Variants in DYNLT2B observed in about 807,000 individuals in gnomAD.
The protein encoded by DYNLT2B is dynein light chain Tctex-type 2B.
In DYNLT2B, 14 loss-of-function variants were observed where a neutral mutation model predicts 19.5. The ratio of observed to expected loss-of-function variants is 0.72; its 90% CI spans 0.47 to 1.12. DYNLT2B has a LOEUF of 1.12. DYNLT2B is among the 50% of genes most tolerant of loss of function. The pLI is 0.00. For missense variants in DYNLT2B, 133 were observed against 174.7 expected (o/e 0.76, Z 1.35); for synonymous variants, 70 against 59.7 (o/e 1.17, Z -0.79).
chr3:196,291,437 C>G (rs1726092257), intron 4 of DYNLT2B, 63 bp from the exon 5 acceptor site: 7 of 1,508,592 alleles, frequency 4.6e-6, no homozygotes, highest in African/African-American at 1.4e-5. Flanking sequence ...GGAATGAGAG[C>G]AGCACAGGCA....
At chr3:196,309,578 T>C (rs73086670) in intron 2 of DYNLT2B, among the ~76,000 whole-genome samples, 2,701 of 151,956 alleles carry the variant, frequency 0.018, 94 homozygotes, top group African/African-American at 0.062. Flanking sequence ...AAAACAATTT[T>C]TCAAAAAATA....
At chr3:196,297,279 C>T (rs941560179) in intron 3 of DYNLT2B, among the ~76,000 whole-genome samples, 2 of 152,050 alleles carry the variant, frequency 1.3e-5, no homozygotes, top group Non-Finnish European at 2.9e-5. Context: ...AATCCCAGCA[C>T]TTTGGGAGGC....
At chr3:196,303,012 C>T (rs1726393402) in intron 3 of DYNLT2B, among the ~76,000 whole-genome samples, 2 of 152,004 alleles carry the variant, frequency 1.3e-5, no homozygotes, top group South Asian at 4.2e-4. Flanking sequence ...CTGGAGGCTA[C>T]AAGATTCTGA....
At chr3:196,313,473 G>T (rs1459781583) in intron 2 of DYNLT2B, among the ~76,000 whole-genome samples, 1 of 152,130 alleles carries the variant, frequency 6.6e-6, no homozygotes, top group African/African-American at 2.4e-5. Context: ...TGGAATTACA[G>T]GCGTGAGCCA....
chr3:196,303,311 G>A (rs372792097), intron 3 of DYNLT2B, among the ~76,000 whole-genome samples: 122 of 152,236 alleles, frequency 8.0e-4, no homozygotes, highest in African/African-American at 1.2e-3. Context: ...CCGGTCTCCC[G>A]CACAGCCGGC....
chr3:196,318,047 G>A lies in DYNLT2B; in HGVS notation c.106C>T (p.Gln36Ter). Residue 36 changes from glutamine to a stop codon, truncating the protein, a stop_gained, in exon 1 of 5, where the codon CAG becomes TAG. Coordinates refer to ENST00000325318, the MANE Select transcript of DYNLT2B (RefSeq NM_152773.5). LOFTEE classifies it high-confidence loss of function. ...ENTYILRPVF[Q>*]QRFRPSVVKD... ...AGCCCGTCCTCTACCCGCCTCTGCT[G>A]GAAAACAGGCCGCAGAATATAGGTG... is the stretch of plus-strand genomic sequence containing the variant. 1 of 1,531,250 alleles carries A rather than the reference G, an allele frequency of 6.5e-7. No homozygotes were observed. Among genetic ancestry groups the A allele is most frequent in the Non-Finnish European group, 8.8e-7 (1 of 1,140,706 alleles). The allele number at this position is 1,531,250 out of a possible 1,614,324, so 94.9% of individuals were successfully genotyped here.
intron 3 of DYNLT2B, 115 bp from the exon 4 acceptor site, chr3:196,296,184 C>G: frequency 1.1e-6 from 1 of 876,804 alleles, no homozygotes; most frequent in Non-Finnish European, 1.9e-6. Context: ...TACTTCCAAA[C>G]CTTTCACAGG....
intron 3 of DYNLT2B, among the ~76,000 whole-genome samples, chr3:196,304,198 T>C (rs1023878528): frequency 1.4e-4 from 21 of 151,880 alleles, no homozygotes; most frequent in Non-Finnish European, 2.6e-4. Flanking sequence ...AGTGGCGTGA[T>C]CTCAGCTCAC....
chr3:196,312,591 T>A (rs927451403), intron 2 of DYNLT2B, among the ~76,000 whole-genome samples: 2 of 151,906 alleles, frequency 1.3e-5, no homozygotes, highest in Non-Finnish European at 1.5e-5. Context: ...CCCAAGTAGC[T>A]GGGATTACAG....
At chr3:196,310,327 G>A (rs1468844093) in intron 2 of DYNLT2B, among the ~76,000 whole-genome samples, 1 of 151,686 alleles carries the variant, frequency 6.6e-6, no homozygotes, top group Non-Finnish European at 1.5e-5. Context: ...GGTCAGGCTG[G>A]TCTCGAACTC....
intron 1 of DYNLT2B, among the ~76,000 whole-genome samples, chr3:196,317,062 G>GTGTGT (rs1491454362): frequency 1.9e-5 from 1 of 52,220 alleles, no homozygotes; most frequent in Non-Finnish European, 3.7e-5. Context: ...GTGTGTGTGT[G>GTGTGT]GTGTGTGTGT....
intron 3 of DYNLT2B, among the ~76,000 whole-genome samples, chr3:196,303,960 C>G (rs1726419392): frequency 6.6e-6 from 1 of 152,132 alleles, no homozygotes; most frequent in Non-Finnish European, 1.5e-5. Flanking sequence ...GAGGTCAAAG[C>G]TGCAGTGAGC....
chr3:196,301,713 A>AAAAAT (rs1055485297), intron 3 of DYNLT2B, among the ~76,000 whole-genome samples: 2 of 151,982 alleles, frequency 1.3e-5, no homozygotes, highest in Non-Finnish European at 2.9e-5. Context: ...ACTCTGTCTC[A>AAAAAT]AAAATAAAAT....
chr3:196,291,265 C>CA lies in DYNLT2B; in HGVS notation c.*61dup. 1 of 1,442,784 alleles carries CA rather than the reference C, an allele frequency of 6.9e-7. No homozygotes were observed. The highest frequency in any genetic ancestry group is 2.1e-5 in the Admixed American group (1 of 48,260). The allele number at this position is 1,442,784 out of a possible 1,614,324, so 89.4% of individuals were successfully genotyped here. A position where few individuals can be genotyped will look rare whatever the true frequency, so the allele number is the denominator to read the frequency against. On this transcript the variant is annotated 3_prime_UTR_variant, in exon 5 of 5. Transcript: ENST00000325318. Reference sequence around the variant, plus strand: ...ATCTTTATTTTGTCAAGATATTTAACAATATTAAAAAGTTCAGATTTCTTC... The same window carrying CA: ...ATCTTTATTTTGTCAAGATATTTAACAAATATTAAAAAGTTCAGATTTCTTC...
In DYNLT2B at chr3:196,317,854, C is replaced by T. The variant is rs113961658; in HGVS notation, c.113+186G>A. ...GGAAGCGGGTGGGGTCCCCTGCGGC[C>T]CCTGCAGCGGGAGGGGCGCCCGGAC... On this transcript the variant is annotated intron_variant, in intron 1 of 4. Coordinates refer to ENST00000325318, the MANE Select transcript of DYNLT2B (RefSeq NM_152773.5). Among the ~76,000 whole-genome samples, 11,575 of 152,082 alleles carry T rather than the reference C, an allele frequency of 0.076. 495 individuals are homozygous for T. Among genetic ancestry groups the T allele is most frequent in the Middle Eastern group, 0.14 (41 of 292 alleles).
intron 2 of DYNLT2B, among the ~76,000 whole-genome samples, chr3:196,315,552 C>T (rs908642595): frequency 2.0e-5 from 3 of 151,608 alleles, no homozygotes; most frequent in Non-Finnish European, 2.9e-5. Context: ...TGAGCCACTG[C>T]GCCCGGCCTT....
intron 3 of DYNLT2B, among the ~76,000 whole-genome samples, chr3:196,299,751 G>A (rs1385678779): frequency 6.6e-6 from 1 of 151,828 alleles, no homozygotes; most frequent in Non-Finnish European, 1.5e-5. Flanking sequence ...CTAACGTGGT[G>A]AAACCCCGTC....
At chr3:196,300,289 C>T (rs1726319510) in intron 3 of DYNLT2B, among the ~76,000 whole-genome samples, 1 of 152,160 alleles carries the variant, frequency 6.6e-6, no homozygotes, top group Non-Finnish European at 1.5e-5. Context: ...GAAACTAGTA[C>T]ACTAAGGAAA....
At chr3:196,310,837 G>A (rs887834099) in intron 2 of DYNLT2B, among the ~76,000 whole-genome samples, 6 of 152,090 alleles carry the variant, frequency 3.9e-5, no homozygotes, top group Admixed American at 6.6e-5. Flanking sequence ...CTGGGTTCAA[G>A]TGATTCTCCT....
Sources: gnomAD v4.1 joint callset for allele counts (sites outside exome capture counted in the v4.1 genomes callset) on GRCh38, gnomAD v4.1.1 for gene constraint, MANE v1.5 for transcripts, NCBI Gene and HGNC (gene_info 2026-07-23, HGNC 2026-07-21) for gene names.